The following UBE2E3 variants were observed in gnomAD, a reference collection of about 807,000 sequenced individuals.
UBE2E3 encodes ubiquitin conjugating enzyme E2 E3, also known as ubiquitin-conjugating enzyme E2 E3.
A neutral mutation model predicts 23.6 loss-of-function variants in UBE2E3; 5 were observed. The ratio of observed to expected loss-of-function variants is 0.21; its 90% confidence interval spans 0.11 to 0.44. The LOEUF (loss-of-function observed/expected upper bound fraction) is 0.44, where lower values mean the gene tolerates loss of function less well. Ranked by LOEUF, UBE2E3 falls within the 20% of genes least tolerant of loss-of-function variation. The pLI, the probability that UBE2E3 is intolerant of heterozygous loss-of-function variation, is 0.99. For synonymous variants in UBE2E3, 78 were observed against 87.5 expected (o/e 0.89, Z 0.60); for missense variants, 81 against 249.8 (o/e 0.32, Z 4.55).
At chr2:181,058,109 AACC>A (rs1415251313) in intron 4 of UBE2E3, among the ~76,000 whole-genome samples, 21 of 151,824 alleles carry the variant, frequency 1.4e-4, no homozygotes, top group Admixed American at 1.4e-3. Flanking sequence ...AGATCCTATG[AACC>A]TTCATTAATA....
At chr2:181,020,493 A>G (rs756371999) in intron 3 of UBE2E3, among the ~76,000 whole-genome samples, 9 of 152,230 alleles carry the variant, frequency 5.9e-5, no homozygotes, top group Non-Finnish European at 1.3e-4. Context: ...AGGGGCCTAC[A>G]ATTCAAGCTG....
intron 3 of UBE2E3, among the ~76,000 whole-genome samples, chr2:180,997,042 T>A (rs1013220070): frequency 6.6e-6 from 1 of 152,000 alleles, no homozygotes; most frequent in Non-Finnish European, 1.5e-5. Flanking sequence ...AATGAATTTT[T>A]TTTTTTCCAC....
chr2:181,028,326 T>G (rs749031203), intron 3 of UBE2E3, among the ~76,000 whole-genome samples: 15 of 152,074 alleles, frequency 9.9e-5, no homozygotes, highest in Non-Finnish European at 1.9e-4. Context: ...GGGTGTTCCA[T>G]GTTTATTTTG....
chr2:181,060,179 C>T (rs1275980242), intron 4 of UBE2E3, among the ~76,000 whole-genome samples: 1 of 151,698 alleles, frequency 6.6e-6, no homozygotes, highest in African/African-American at 2.4e-5. Flanking sequence ...TCTAAATCCT[C>T]CAGTATTTTC....
chr2:181,059,157 A>G (rs748939921), intron 4 of UBE2E3, among the ~76,000 whole-genome samples: 15 of 151,772 alleles, frequency 9.9e-5, no homozygotes, highest in Non-Finnish European at 1.9e-4. Flanking sequence ...TTGCTGAGAT[A>G]TACAGTATTA....
chr2:181,054,263 A>G (rs1686926450), intron 3 of UBE2E3, among the ~76,000 whole-genome samples: 1 of 151,912 alleles, frequency 6.6e-6, no homozygotes, highest in South Asian at 2.1e-4. Context: ...GTTTGTAACA[A>G]GATTGCCAAA....
At chr2:181,032,016 G>A (rs1316520447) in intron 3 of UBE2E3, among the ~76,000 whole-genome samples, 1 of 152,104 alleles carries the variant, frequency 6.6e-6, no homozygotes, top group East Asian at 1.9e-4. Context: ...ATTCTGCAAT[G>A]GAAAACCAGC....
In UBE2E3 at chr2:180,987,433, A is replaced by G. The variant is rs567664495; in HGVS notation, c.245+3340A>G. ...AACTTAACCCCTAATTTCTTTCCAT[A>G]TAGGAAGAAGCACAAATATACTGAC... is the stretch of plus-strand genomic sequence containing the variant. On this transcript the variant is annotated intron_variant, in intron 3 of 5. Transcript: ENST00000410062. 81 of 1,547,274 alleles carry G rather than the reference A, an allele frequency of 5.2e-5. No individual in the cohort carries two copies. In the African/African-American group the frequency reaches 1.0e-3, roughly 19 times the overall value.
chr2:181,060,624 A>G, intron 4 of UBE2E3, 41 bp from the exon 5 acceptor site: 1 of 1,533,476 alleles, frequency 6.5e-7, no homozygotes, highest in South Asian at 1.3e-5. Context: ...TTGGTAATAC[A>G]GCATTCATTT....
chr2:181,060,848 A>G (rs1378621473), intron 5 of UBE2E3, 36 bp downstream of exon 5: 2 of 1,375,890 alleles, frequency 1.5e-6, no homozygotes, highest in Admixed American at 2.6e-5. Flanking sequence ...CAATAAGACT[A>G]CAAAAACGAG....
chr2:181,052,561 A>C (rs1226494207), intron 3 of UBE2E3, among the ~76,000 whole-genome samples: 1 of 151,900 alleles, frequency 6.6e-6, no homozygotes, highest in East Asian at 1.9e-4. Flanking sequence ...AAATATCTGA[A>C]AATGGTTGAG....
chr2:181,030,966 A>G (rs367736591), intron 3 of UBE2E3, among the ~76,000 whole-genome samples: 16 of 152,148 alleles, frequency 1.1e-4, no homozygotes, highest in African/African-American at 3.4e-4. Context: ...ACTAGTTTAT[A>G]CTATTACGTT....
At chr2:180,989,738 G>A in intron 3 of UBE2E3, 2 of 813,536 alleles carry the variant, frequency 2.5e-6, no homozygotes, top group Non-Finnish European at 3.6e-6. Context: ...GGGTAAAACA[G>A]CATGTGCTTT....
intron 3 of UBE2E3, among the ~76,000 whole-genome samples, chr2:180,993,096 T>C (rs1016911473): frequency 6.6e-6 from 1 of 152,210 alleles, no homozygotes; most frequent in Non-Finnish European, 1.5e-5. Context: ...TCTGTTGACA[T>C]TCTATCAGTT....
chr2:181,037,737 G>T (rs992712972), intron 3 of UBE2E3, among the ~76,000 whole-genome samples: 8 of 152,130 alleles, frequency 5.3e-5, no homozygotes, highest in Non-Finnish European at 1.2e-4. Flanking sequence ...AGGAGGTTAA[G>T]GGGGGAGGAT....
chr2:180,981,703 A>G (rs895314603), intron 1 of UBE2E3, among the ~76,000 whole-genome samples: 7 of 152,230 alleles, frequency 4.6e-5, no homozygotes, highest in Non-Finnish European at 1.5e-5. Flanking sequence ...GTCATATGTT[A>G]TTAATGCTTG....
intron 3 of UBE2E3, among the ~76,000 whole-genome samples, chr2:181,005,161 C>G (rs940111659): frequency 2.0e-5 from 3 of 152,190 alleles, no homozygotes; most frequent in Non-Finnish European, 4.4e-5. Context: ...ATTTGGCATG[C>G]TGTCAGCATC....
At chr2:181,034,210 A>G (rs192537709) in intron 3 of UBE2E3, among the ~76,000 whole-genome samples, 299 of 152,352 alleles carry the variant, frequency 2.0e-3, no homozygotes, top group Non-Finnish European at 3.3e-3. Context: ...TCATGCTGCT[A>G]TAAAGACACA....
At chr2:181,020,265 G>C (rs930709461) in intron 3 of UBE2E3, among the ~76,000 whole-genome samples, 1 of 152,124 alleles carries the variant, frequency 6.6e-6, no homozygotes, top group Non-Finnish European at 1.5e-5. Flanking sequence ...CTATTAGCTT[G>C]TGTTTTTGAC....
Sources: allele counts gnomAD v4.1 joint callset (sites outside exome capture counted in the v4.1 genomes callset), GRCh38; gene constraint gnomAD v4.1.1; transcripts MANE v1.5; gene names NCBI Gene and HGNC (gene_info 2026-07-23, HGNC 2026-07-21).